The following FAM3B variants were observed in gnomAD, a reference collection of about 807,000 sequenced individuals.
FAM3B encodes FAM3 metabolism regulating signaling molecule B.
Under a neutral mutation model 28.4 loss-of-function variants are expected in FAM3B, and 29 were observed. The observed-to-expected ratio is 1.02, with a 90% confidence interval of 0.76 to 1.39. FAM3B has a LOEUF of 1.39. Ranked by LOEUF, FAM3B falls within the 40% of genes most tolerant of loss-of-function variation. The pLI is 0.00. For synonymous variants in FAM3B, 91 were observed against 103.0 expected (o/e 0.88, Z 0.71); for missense variants, 266 against 293.9 (o/e 0.91, Z 0.69).
upstream of FAM3B, among the ~76,000 whole-genome samples, chr21:41,314,503 A>G (rs1191550754): frequency 2.6e-5 from 4 of 152,224 alleles, no homozygotes; most frequent in Non-Finnish European, 4.4e-5. Context: ...AAAAATGTAC[A>G]ATGAAAATAT....
rs773861320 is a variant in FAM3B, at chr21:41,323,056, T to C, written c.153T>C (p.Pro51=). Reference sequence around the variant, plus strand: ...GCATCCGCAGCATCGGGGAGAGGCCTGTCCTCAAAGGTGAGTGCCGTGCTT... The same window carrying C: ...GCATCCGCAGCATCGGGGAGAGGCCCGTCCTCAAAGGTGAGTGCCGTGCTT... ...AYSIRSIGER[P]VLKAPVPKRQ... is the part of the protein sequence containing the mutation. Residue 51 remains proline, a synonymous_variant, in exon 2 of 8, where the codon CCT becomes CCC. Coordinates refer to ENST00000357985, the MANE Select transcript of FAM3B (RefSeq NM_058186.4). 2 of 1,604,968 alleles carry C rather than the reference T, an allele frequency of 1.2e-6. No individual in the cohort carries two copies. Among genetic ancestry groups the C allele is most frequent in the African/African-American group, 1.3e-5 (1 of 75,068 alleles).
In FAM3B at chr21:41,338,509, C is replaced by G; in HGVS notation, c.287+8C>G. ...CTGCTTTGAGGATAACCTGTAAGTACCAGCGTTTAGAAGGAAAATAAAGCG... is the reference window on the plus strand; with the variant it reads ...CTGCTTTGAGGATAACCTGTAAGTAGCAGCGTTTAGAAGGAAAATAAAGCG... On this transcript the variant is annotated splice_region_variant and intron_variant, in intron 3 of 7. Coordinates refer to ENST00000357985, the MANE Select transcript of FAM3B (RefSeq NM_058186.4). 1 of 1,613,902 alleles carries G rather than the reference C, an allele frequency of 6.2e-7. No individual in the cohort carries two copies. Among genetic ancestry groups the G allele is most frequent in the African/African-American group, 1.3e-5 (1 of 75,042 alleles).
At chr21:41,324,554 A>G (rs2088839019) in intron 2 of FAM3B, among the ~76,000 whole-genome samples, 1 of 152,222 alleles carries the variant, frequency 6.6e-6, no homozygotes, top group South Asian at 2.1e-4. Flanking sequence ...ATCTTATTTT[A>G]CAATACACAT....
intron 2 of FAM3B, among the ~76,000 whole-genome samples, chr21:41,324,598 G>GCCTA (rs1313015336): frequency 6.6e-6 from 1 of 152,182 alleles, no homozygotes; most frequent in Non-Finnish European, 1.5e-5. Context: ...CGAAGGAAAT[G>GCCTA]CCTACTGTGA....
chr21:41,320,830 A>C (rs1008283409), intron 1 of FAM3B: 1 of 152,098 alleles, frequency 6.6e-6, no homozygotes, highest in Non-Finnish European at 1.5e-5. Context: ...CCGCATCAGG[A>C]CCCGCCATGG....
chr21:41,339,390 CTAAAG>C (rs1290261363), intron 3 of FAM3B, among the ~76,000 whole-genome samples: 5 of 152,136 alleles, frequency 3.3e-5, no homozygotes, highest in Non-Finnish European at 5.9e-5. Flanking sequence ...AGCCATTTCT[CTAAAG>C]AGAGAGTTCC....
chr21:41,343,386 A>C (rs1431706840), intron 3 of FAM3B, among the ~76,000 whole-genome samples: 1 of 152,198 alleles, frequency 6.6e-6, no homozygotes, highest in Non-Finnish European at 1.5e-5. Context: ...AACAACAGCA[A>C]CAACAAAACT....
intron 2 of FAM3B, among the ~76,000 whole-genome samples, chr21:41,329,569 T>C (rs1366179066): frequency 6.6e-6 from 1 of 151,720 alleles, no homozygotes; most frequent in African/African-American, 2.4e-5. Context: ...TTTCTTTCTT[T>C]TTCCTTTTTT....
intron 3 of FAM3B, among the ~76,000 whole-genome samples, chr21:41,342,901 T>C (rs776630818): frequency 1.1e-4 from 16 of 152,182 alleles, no homozygotes; most frequent in Non-Finnish European, 2.1e-4. Context: ...CCTGCACCTG[T>C]TTTTTAAAAA....
chr21:41,333,275 T>C (rs1337952217), intron 2 of FAM3B, among the ~76,000 whole-genome samples: 4 of 152,238 alleles, frequency 2.6e-5, no homozygotes, highest in Non-Finnish European at 4.4e-5. Context: ...CTTGAATCTG[T>C]GTCCTCACCA....
chr21:41,335,455 A>G (rs994408051), intron 2 of FAM3B, among the ~76,000 whole-genome samples: 1 of 152,016 alleles, frequency 6.6e-6, no homozygotes, highest in African/African-American at 2.4e-5. Context: ...ATAACAGTGA[A>G]TTTTCATGAG....
chr21:41,347,684 C>T (rs567604242), intron 6 of FAM3B, among the ~76,000 whole-genome samples: 6 of 143,178 alleles, frequency 4.2e-5, no homozygotes, highest in South Asian at 2.2e-4. Context: ...ACCCAGGAGG[C>T]GGAAGTTGCA....
At chr21:41,311,096 AT>A (rs1005306294) in intron 1 of FAM3B, among the ~76,000 whole-genome samples, 1 of 151,036 alleles carries the variant, frequency 6.6e-6, no homozygotes, top group African/African-American at 2.4e-5. Flanking sequence ...GTTCTCAAAC[AT>A]TTTGCTCTCA....
intron 7 of FAM3B, among the ~76,000 whole-genome samples, chr21:41,354,832 C>T (rs551842940): frequency 6.6e-6 from 1 of 151,880 alleles, no homozygotes; most frequent in East Asian, 1.9e-4. Flanking sequence ...ACGTGTACCC[C>T]GAACTTAAAA....
At position 41,322,676 on chromosome 21, in the gene FAM3B, TA is replaced by T. The variant is rs888908116; in HGVS notation, c.20-244del. ...GACGTTTGTTGGTTAAGTTAAGACC[TA>T]AACCAACAGCAAATACAACTTGCCC... On this transcript the variant is annotated intron_variant, in intron 1 of 7. Coordinates refer to ENST00000357985, the MANE Select transcript of FAM3B (RefSeq NM_058186.4). The T allele has an allele frequency of 2.1e-5, 15 of 721,680 alleles. No individual in the cohort carries two copies. In the African/African-American group the frequency reaches 2.6e-4, roughly 13 times the overall value. The allele number at this position is 721,680 out of a possible 1,614,324, so 44.7% of individuals were successfully genotyped here.
chr21:41,333,302 G>A (rs931193377), intron 2 of FAM3B, among the ~76,000 whole-genome samples: 1 of 152,116 alleles, frequency 6.6e-6, no homozygotes, highest in South Asian at 2.1e-4. Flanking sequence ...ATGTTGAATT[G>A]TAATCCTCAA....
At chr21:41,311,071 C>T (rs1158634800) in intron 1 of FAM3B, among the ~76,000 whole-genome samples, 1 of 150,774 alleles carries the variant, frequency 6.6e-6, no homozygotes, top group Non-Finnish European at 1.5e-5. Flanking sequence ...TTCAGCCAGG[C>T]AGTCTAAAGC....
intron 2 of FAM3B, among the ~76,000 whole-genome samples, chr21:41,337,496 C>G (rs2088965634): frequency 6.6e-6 from 1 of 152,210 alleles, no homozygotes; most frequent in Middle Eastern, 3.2e-3. Context: ...GATGCTGATG[C>G]TAGGAGAGAT....
intron 3 of FAM3B, among the ~76,000 whole-genome samples, chr21:41,341,574 G>A (rs1245861592): frequency 6.6e-6 from 1 of 152,160 alleles, no homozygotes; most frequent in Admixed American, 6.5e-5. Context: ...CTTGTTTAAT[G>A]TTGTCTGTTT....
Sources: gnomAD v4.1 joint callset for allele counts (sites outside exome capture counted in the v4.1 genomes callset) on GRCh38, gnomAD v4.1.1 for gene constraint, MANE v1.5 for transcripts, NCBI Gene and HGNC (gene_info 2026-07-23, HGNC 2026-07-21) for gene names.